Variants in PKHD1L1 observed in about 807,000 individuals in gnomAD.
PKHD1L1 encodes fibrocystin-L.
A neutral mutation model predicts 462.9 loss-of-function variants in PKHD1L1; 434 were observed. That is an observed-to-expected ratio of 0.94 (90% confidence interval 0.87 to 1.02). The LOEUF (loss-of-function observed/expected upper bound fraction) is 1.02. PKHD1L1 is among the 50% of genes least tolerant of loss of function. The pLI is 0.00. For synonymous variants in PKHD1L1, 1,781 were observed against 1,750.0 expected (o/e 1.02, Z -0.44); for missense variants, 5,202 against 5,096.1 (o/e 1.02, Z -0.63).
intron 4 of PKHD1L1, among the ~76,000 whole-genome samples, chr8:109,383,758 T>G (rs990134295): frequency 2.0e-5 from 3 of 151,948 alleles, no homozygotes; most frequent in African/African-American, 7.2e-5. Context: ...AGCATCAAAC[T>G]GCAGTTTTTG....
intron 24 of PKHD1L1, 48 bp from the exon 25 acceptor site, chr8:109,426,954 G>A (rs765636815): frequency 1.1e-5 from 12 of 1,079,300 alleles, no homozygotes; most frequent in African/African-American, 7.8e-5. Context: ...CATCCGGCCC[G>A]TTTGTGAATT....
At position 109,510,751 on chromosome 8, in the gene PKHD1L1, T is replaced by C. The variant is rs938306779; in HGVS notation, c.11396-26T>C. On this transcript the variant is annotated intron_variant, in intron 70 of 77. Transcript: ENST00000378402. The stretch of plus-strand genomic sequence containing the variant: ...TAATAAAATGTATGATATAGGAGTA[T>C]GCACTTTCATTTTGCATGGATTTAG... The C allele has an allele frequency of 7.5e-6, 12 of 1,604,530 alleles. 1 individual carries two copies. Among genetic ancestry groups the C allele is most frequent in the East Asian group, 6.7e-5 (3 of 44,798 alleles).
intron 50 of PKHD1L1, among the ~76,000 whole-genome samples, chr8:109,468,738 G>T (rs1453837948): frequency 2.0e-5 from 3 of 152,148 alleles, no homozygotes; most frequent in Admixed American, 6.6e-5. Context: ...TAGCATTGGT[G>T]ACTTCGAGGA....
chr8:109,453,458 G>T (rs1270418910), intron 43 of PKHD1L1, among the ~76,000 whole-genome samples: 3 of 152,168 alleles, frequency 2.0e-5, no homozygotes, highest in Non-Finnish European at 4.4e-5. Context: ...ATAATTGCAT[G>T]TAAAAGAATC....
intron 25 of PKHD1L1, among the ~76,000 whole-genome samples, chr8:109,428,968 T>C (rs1025771414): frequency 6.6e-6 from 1 of 152,236 alleles, no homozygotes; most frequent in African/African-American, 2.4e-5. Flanking sequence ...AATTTTTCAA[T>C]TATTTAAGAA....
chr8:109,371,332 C>T (rs557824280), intron 2 of PKHD1L1, among the ~76,000 whole-genome samples: 1 of 152,052 alleles, frequency 6.6e-6, no homozygotes, highest in East Asian at 1.9e-4. Context: ...ATATCCTTTG[C>T]CCACTTTTTG....
At chr8:109,404,332 G>A (rs1477728152) in intron 14 of PKHD1L1, among the ~76,000 whole-genome samples, 2 of 152,040 alleles carry the variant, frequency 1.3e-5, no homozygotes, top group Admixed American at 6.6e-5. Context: ...GGTTATGAAT[G>A]AGAACAACTT....
At chr8:109,380,470 A>T (rs1812055254) in intron 2 of PKHD1L1, among the ~76,000 whole-genome samples, 1 of 152,176 alleles carries the variant, frequency 6.6e-6, no homozygotes, top group Non-Finnish European at 1.5e-5. Flanking sequence ...CTGAGTTCTA[A>T]CACCATGTCT....
intron 55 of PKHD1L1, 28 bp from the exon 56 acceptor site, chr8:109,481,405 G>C: frequency 6.5e-7 from 1 of 1,541,618 alleles, no homozygotes; most frequent in South Asian, 1.3e-5. Context: ...CAATTTTTAA[G>C]TATTAACAAT....
At chr8:109,426,869 T>C (rs1814777016) in intron 24 of PKHD1L1, 133 bp from the exon 25 acceptor site, 2 of 632,982 alleles carry the variant, frequency 3.2e-6, no homozygotes, top group Middle Eastern at 4.5e-4. Flanking sequence ...GCCAGGCTGA[T>C]CTCAAACGCC....
intron 72 of PKHD1L1, among the ~76,000 whole-genome samples, chr8:109,516,070 C>T (rs528385798): frequency 6.6e-6 from 1 of 152,192 alleles, no homozygotes; most frequent in Admixed American, 6.5e-5. Context: ...ATAACATGAA[C>T]TGCTAATGTT....
Position 109,461,868 on chromosome 8 carries a change from C to T in PKHD1L1, c.7343C>T (p.Pro2448Leu). Reference protein sequence around the residue: ...GGCVMFHAPVPGANMVTGRIE... With the variant: ...GGCVMFHAPVLGANMVTGRIE... ...TGCGTTATGTTTCATGCTCCTGTAC[C>T]TGGTGCTAACATGGTAACTGGGAGA... The change falls in exon 48 of 78, where the codon CCT becomes CTT. Residue 2448 changes from proline to leucine, a missense_variant. Pro to Leu is a moderately conservative substitution (Grantham distance 98, BLOSUM62 -3). This residue lies in a region of PKHD1L1 where 4,497 missense variants were observed against 4,336.8 expected (regional missense o/e 1.04). Coordinates refer to ENST00000378402, the MANE Select transcript of PKHD1L1 (RefSeq NM_177531.6). The T allele has an allele frequency of 6.2e-7, 1 of 1,604,882 alleles. No individual in the cohort carries two copies. The highest frequency in any genetic ancestry group is 8.5e-7 in the Non-Finnish European group (1 of 1,175,320).
chr8:109,425,089 T>C lies in PKHD1L1; in HGVS notation c.2702T>C (p.Ile901Thr). 5 of 1,568,794 alleles carry C rather than the reference T, an allele frequency of 3.2e-6. No homozygotes were observed. Among genetic ancestry groups the C allele is most frequent in the Non-Finnish European group, 3.4e-6 (4 of 1,163,670 alleles). ...PMMAVSFGQI[I>T]THETENEFVY... ...AATATTTATTTTGGAAATTAGATAA[T>C]CACACATGAGACAGAGAACGAGTTT... Residue 901 changes from isoleucine (I) to threonine (T), a missense_variant, in exon 24 of 78, where the codon ATC becomes ACC. By Grantham distance (89) the Ile-to-Thr change is moderately conservative. This residue lies in a region of PKHD1L1 where 4,497 missense variants were observed against 4,336.8 expected (regional missense o/e 1.04). Transcript: ENST00000378402.
chr8:109,400,119 A>T lies in PKHD1L1; in HGVS notation c.1056A>T (p.Pro352=). 1 of 1,613,620 alleles carries T rather than the reference A, an allele frequency of 6.2e-7. No homozygotes were observed. Among genetic ancestry groups the T allele is most frequent in the Non-Finnish European group, 8.5e-7 (1 of 1,179,614 alleles). The change falls in exon 13 of 78, where the codon CCA becomes CCT. Residue 352 remains proline (P), a synonymous_variant. Coordinates refer to ENST00000378402, the MANE Select transcript of PKHD1L1 (RefSeq NM_177531.6). ...LKLEVWNNSR[P]IRLEEILEYN... is the part of the protein sequence containing the mutation. ...TTGAGGTGTGGAATAATAGCCGTCC[A>T]ATACGTTTGGAAGAGATACTGGAAT...
intron 60 of PKHD1L1, among the ~76,000 whole-genome samples, 154 bp from the exon 61 acceptor site, chr8:109,490,818 A>G (rs574260943): frequency 6.6e-6 from 1 of 151,818 alleles, no homozygotes; most frequent in Non-Finnish European, 1.5e-5. Flanking sequence ...ATATGGATAT[A>G]TTAAAGACTT....
chr8:109,399,908 GC>G (rs1450781034), intron 12 of PKHD1L1, among the ~76,000 whole-genome samples, 167 bp from the exon 13 acceptor site: 1 of 152,190 alleles, frequency 6.6e-6, no homozygotes, highest in East Asian at 1.9e-4. Context: ...ATTACAGACT[GC>G]CCTCTGGCTG....
chr8:109,440,640 T>G, intron 32 of PKHD1L1, 70 bp from the exon 33 acceptor site: 2 of 1,415,744 alleles, frequency 1.4e-6, no homozygotes, highest in East Asian at 4.6e-5. Flanking sequence ...AGAAGTCATA[T>G]CCTAGCAAGA....
chr8:109,409,319 ACTCACTGCAACC>A (rs1813719125), intron 18 of PKHD1L1, among the ~76,000 whole-genome samples: 1 of 151,398 alleles, frequency 6.6e-6, no homozygotes, highest in African/African-American at 2.4e-5. Context: ...TGTGATCTCC[ACTCACTGCAACC>A]CTCCACCTCC....
intron 23 of PKHD1L1, among the ~76,000 whole-genome samples, chr8:109,421,146 G>A (rs1814442913): frequency 6.6e-6 from 1 of 151,470 alleles, no homozygotes; most frequent in Non-Finnish European, 1.5e-5. Context: ...TTGTACATTT[G>A]TAATAAGATT....
Sources: allele counts gnomAD v4.1 joint callset (sites outside exome capture counted in the v4.1 genomes callset), GRCh38; gene constraint gnomAD v4.1.1; regional missense constraint gnomAD v4.1.1; transcripts MANE v1.5; gene names NCBI Gene and HGNC (gene_info 2026-07-23, HGNC 2026-07-21).